KIAA1217: variants seen among roughly 807,000 people sequenced by gnomAD.
KIAA1217 encodes sickle tail protein homolog.
Under a neutral mutation model 163.9 loss-of-function variants are expected in KIAA1217, and 88 were observed. That is an observed-to-expected ratio of 0.54 (90% CI 0.45 to 0.64). The LOEUF is 0.64. Ranked by LOEUF, KIAA1217 falls within the 30% of genes least tolerant of loss-of-function variation. The pLI, the probability that KIAA1217 is intolerant of heterozygous loss-of-function variation, is 0.00. For synonymous variants in KIAA1217, 903 were observed against 923.1 expected, an observed-to-expected ratio of 0.98 and a Z score of 0.39; for missense variants, 2,372 against 2,475.0, an observed-to-expected ratio of 0.96 and a Z score of 0.88.
At chr10:24,147,795 TGCACTCCA>T (rs1218519853) in intron 2 of KIAA1217, among the ~76,000 whole-genome samples, 2 of 117,124 alleles carry the variant, frequency 1.7e-5, no homozygotes, top group African/African-American at 3.4e-5. Flanking sequence ...ACCATGCCAC[TGCACTCCA>T]GCCTGGGCAA....
intron 2 of KIAA1217, among the ~76,000 whole-genome samples, chr10:24,154,828 G>A (rs2064800803): frequency 6.6e-6 from 1 of 151,758 alleles, no homozygotes; most frequent in African/African-American, 2.4e-5. Context: ...AATACTCCTT[G>A]AGGAAGGAGA....
intron 1 of KIAA1217, among the ~76,000 whole-genome samples, chr10:23,838,541 A>C (rs1588919636): frequency 6.6e-6 from 1 of 151,914 alleles, no homozygotes; most frequent in Non-Finnish European, 1.5e-5. Context: ...GCTCACTGCA[A>C]CCTCCGCCTC....
At chr10:24,150,410 TC>T (rs770678484) in intron 2 of KIAA1217, among the ~76,000 whole-genome samples, 2 of 152,166 alleles carry the variant, frequency 1.3e-5, no homozygotes, top group African/African-American at 2.4e-5. Context: ...CATCTTACCT[TC>T]ATACCTCCAG....
intron 2 of KIAA1217, among the ~76,000 whole-genome samples, chr10:24,240,865 T>TAA (rs1564326144): frequency 6.7e-6 from 1 of 149,854 alleles, no homozygotes; most frequent in Non-Finnish European, 1.5e-5. Context: ...CTTTTTTTTT[T>TAA]TAAAAAAAAA....
chr10:23,696,435 A>G (rs923697104), intron 1 of KIAA1217, among the ~76,000 whole-genome samples: 1 of 152,362 alleles, frequency 6.6e-6, no homozygotes, highest in East Asian at 1.9e-4. Flanking sequence ...CCAAGTCTAC[A>G]CTTCGGAGAG....
intron 2 of KIAA1217, among the ~76,000 whole-genome samples, chr10:24,146,718 G>A (rs1454958104): frequency 6.6e-6 from 1 of 151,980 alleles, no homozygotes; most frequent in East Asian, 1.9e-4. Flanking sequence ...AATGTCCAAG[G>A]AGAATGCAAT....
At chr10:24,500,474 A>C (rs1330738969) in intron 8 of KIAA1217, among the ~76,000 whole-genome samples, 4 of 151,892 alleles carry the variant, frequency 2.6e-5, no homozygotes, top group Admixed American at 6.6e-5. Flanking sequence ...TATCAATAGA[A>C]TTGCATTGTC....
intron 1 of KIAA1217, among the ~76,000 whole-genome samples, chr10:23,803,905 A>C (rs1257006842): frequency 6.6e-6 from 1 of 152,192 alleles, no homozygotes; most frequent in Non-Finnish European, 1.5e-5. Context: ...ACACAATGAC[A>C]AAGACATTGA....
rs572564184 is a variant in KIAA1217 at position 24,289,691 on chromosome 10, A to C, written c.354+69782A>C. On this transcript the variant is annotated intron_variant, in intron 2 of 20. Transcript: ENST00000376454. The stretch of plus-strand genomic sequence containing the variant: ...GTGGGAAGGAGAGGGGAATGTTGAG[A>C]AGGATTGTCACTAGGGCCCTGGCAA... Among the ~76,000 whole-genome samples, 8 of 152,100 alleles carry C rather than the reference A, an allele frequency of 5.3e-5. 1 individual carries two copies. The highest frequency in any genetic ancestry group is 1.9e-4 in the African/African-American group (8 of 41,480).
At chr10:24,524,288 T>G in intron 12 of KIAA1217, 35 bp from the exon 13 acceptor site, 42 of 1,577,104 alleles carry the variant, frequency 2.7e-5, no homozygotes, top group Non-Finnish European at 3.6e-5. Context: ...GAAAGTGACA[T>G]GAGGGTTAAT....
chr10:24,248,915 C>T (rs2074166580), intron 2 of KIAA1217, among the ~76,000 whole-genome samples: 1 of 152,302 alleles, frequency 6.6e-6, no homozygotes, highest in Admixed American at 6.5e-5. Context: ...AGAAGGCACA[C>T]TGCGAGAGGG....
At chr10:23,825,957 G>A (rs1183260128) in intron 1 of KIAA1217, among the ~76,000 whole-genome samples, 1 of 152,118 alleles carries the variant, frequency 6.6e-6, no homozygotes, top group Non-Finnish European at 1.5e-5. Flanking sequence ...AGATTGCTGA[G>A]AAATAACCAG....
At chr10:24,342,659 T>G (rs1026073521) in intron 2 of KIAA1217, among the ~76,000 whole-genome samples, 1 of 122,380 alleles carries the variant, frequency 8.2e-6, no homozygotes, top group African/African-American at 2.9e-5. Flanking sequence ...TCAATTTTTT[T>G]TTTTTTTTTT....
chr10:24,224,887 C>T (rs578109753), intron 2 of KIAA1217, among the ~76,000 whole-genome samples: 16 of 138,310 alleles, frequency 1.2e-4, no homozygotes, highest in East Asian at 4.3e-4. Context: ...AGTGCAGTGG[C>T]GCAGTCTCGG....
At chr10:24,232,075 G>T (rs560301805) in intron 2 of KIAA1217, among the ~76,000 whole-genome samples, 1 of 152,154 alleles carries the variant, frequency 6.6e-6, no homozygotes, top group African/African-American at 2.4e-5. Context: ...GATTACAGGC[G>T]TGAGCCACTG....
At chr10:24,147,832 CAAAAAAA>C (rs1176106711) in intron 2 of KIAA1217, among the ~76,000 whole-genome samples, 461 of 20,732 alleles carry the variant, frequency 0.022, 1 homozygote, top group African/African-American at 0.074. Flanking sequence ...TACTCTGTCT[CAAAAAAA>C]AAAAAAAAAA....
At chr10:23,910,564 G>T (rs1455244514) in intron 1 of KIAA1217, among the ~76,000 whole-genome samples, 1 of 152,058 alleles carries the variant, frequency 6.6e-6, no homozygotes, top group Non-Finnish European at 1.5e-5. Flanking sequence ...CTTAAGAACA[G>T]GACTCTCAGT....
intron 2 of KIAA1217, among the ~76,000 whole-genome samples, chr10:24,321,046 C>CA (rs967179185): frequency 1.4e-3 from 176 of 127,142 alleles, no homozygotes; most frequent in South Asian, 5.7e-3. Flanking sequence ...GACTCCATCT[C>CA]AAAAAAAAAA....
intron 2 of KIAA1217, among the ~76,000 whole-genome samples, chr10:24,298,685 C>A (rs2040921066): frequency 6.6e-6 from 1 of 152,152 alleles, no homozygotes; most frequent in Non-Finnish European, 1.5e-5. Context: ...ATAGTCTCAG[C>A]TACTCAGGAG....
Sources: gnomAD v4.1 joint callset for allele counts (sites outside exome capture counted in the v4.1 genomes callset) on GRCh38, gnomAD v4.1.1 for gene constraint, MANE v1.5 for transcripts, NCBI Gene and HGNC (gene_info 2026-07-23, HGNC 2026-07-21) for gene names.